The following GIMAP8 variants were observed in gnomAD, a reference collection of about 807,000 sequenced individuals.
GIMAP8 encodes GTPase, IMAP family member 8.
Under a neutral mutation model 35.6 loss-of-function variants are expected in GIMAP8, and 29 were observed. That is an observed-to-expected ratio of 0.81 (90% CI 0.61 to 1.11). The LOEUF (loss-of-function observed/expected upper bound fraction) is 1.11. Among genes scored for constraint, GIMAP8 ranks in the 50% most tolerant of loss-of-function variants. GIMAP8 has a pLI of 0.00. For synonymous variants in GIMAP8, 335 were observed against 308.7 expected, an observed-to-expected ratio of 1.09 and a Z score of -0.89; for missense variants, 811 against 805.0, an observed-to-expected ratio of 1.01 and a Z score of -0.09.
At chr7:150,473,965 T>A in intron 3 of GIMAP8, 47 bp from the exon 4 acceptor site, 1 of 1,557,930 alleles carries the variant, frequency 6.4e-7, no homozygotes, top group Non-Finnish European at 8.7e-7. Flanking sequence ...CCCACATCCA[T>A]ATTCAACTGC....
intron 2 of GIMAP8, 51 bp downstream of exon 2, chr7:150,467,385 G>A: frequency 4.9e-6 from 7 of 1,422,246 alleles, no homozygotes; most frequent in Non-Finnish European, 6.8e-6. Flanking sequence ...TGAACTAGTG[G>A]GATGAAAGTG....
chr7:150,461,437 C>T (rs1434645080), intron 1 of GIMAP8, among the ~76,000 whole-genome samples: 1 of 152,196 alleles, frequency 6.6e-6, no homozygotes, highest in Non-Finnish European at 1.5e-5. Context: ...TTATTATACT[C>T]TCTTGCTCAG....
At chr7:150,470,137 T>C (rs1441659495) in intron 2 of GIMAP8, among the ~76,000 whole-genome samples, 1 of 152,208 alleles carries the variant, frequency 6.6e-6, no homozygotes, top group Non-Finnish European at 1.5e-5. Context: ...TAATTTGAAC[T>C]GGGCTATGTA....
Position 150,478,279 on chromosome 7 carries a change from C to T in GIMAP8, c.*499C>T. On this transcript the variant is annotated 3_prime_UTR_variant, in exon 5 of 5. Transcript: ENST00000307271. ...TGTCCAGGGCCGTTGGCTCCCTGAG[C>T]TCTCCTGTCTCCTTTGGGATGCGAC... 6.2e-6 allele frequency: 1 copy of T among 160,120 alleles called. No individual in the cohort carries two copies. Among genetic ancestry groups the T allele is most frequent in the Non-Finnish European group, 1.4e-5 (1 of 72,310 alleles). The allele number at this position is 160,120 out of a possible 1,614,324, so 9.9% of individuals were successfully genotyped here.
In GIMAP8 at chr7:150,477,463, A is replaced by G; in HGVS notation, c.1681A>G (p.Ile561Val). 1.2e-6 allele frequency: 2 copies of G among 1,614,128 alleles called. No homozygotes were observed. The highest frequency in any genetic ancestry group is 1.1e-5 in the South Asian group (1 of 91,080). ...TGGAGCAGACTTTACGAAATACGCG[A>G]TTATGCTGTTCACCCGGAAGGAAGA... Reference protein sequence around the residue: ...IFGADFTKYAIMLFTRKEDLG... With the variant: ...IFGADFTKYAVMLFTRKEDLG... The change falls in exon 5 of 5, where the codon ATT becomes GTT. Residue 561 changes from isoleucine (I) to valine (V), a missense_variant. Coordinates refer to ENST00000307271, the MANE Select transcript of GIMAP8 (RefSeq NM_175571.4).
chr7:150,470,697 T>C, intron 2 of GIMAP8, 132 bp from the exon 3 acceptor site: 1 of 663,388 alleles, frequency 1.5e-6, no homozygotes, highest in Non-Finnish European at 2.6e-6. Context: ...GGGCCTTGAT[T>C]TGACCACATC....
At position 150,477,454 on chromosome 7, in the gene GIMAP8, AAAT is replaced by A. The variant is rs1268163717; in HGVS notation, c.1674_1676del (p.Lys558_Tyr559delinsAsn). The A allele has an allele frequency of 6.2e-7, 1 of 1,613,774 alleles. No homozygotes were observed. Among genetic ancestry groups the A allele is most frequent in the East Asian group, 2.2e-5 (1 of 44,864 alleles). ...GGCCATCTTTGGAGCAGACTTTACG[AAAT>A]ACGCGATTATGCTGTTCACCCGGAA... On this transcript the variant is annotated inframe_deletion, in exon 5 of 5. Transcript: ENST00000307271.
Position 150,477,814 on chromosome 7 carries a change from G to A in GIMAP8, c.*34G>A. The A allele has an allele frequency of 6.4e-7, 1 of 1,552,168 alleles. No individual in the cohort carries two copies. Among genetic ancestry groups the A allele is most frequent in the Non-Finnish European group, 8.8e-7 (1 of 1,136,246 alleles). ...AGTGCCTGGGGTCTCTTCAATTAGA[G>A]ACACCCTCAGGTTGGGGGGAGGGGC... On this transcript the variant is annotated 3_prime_UTR_variant, in exon 5 of 5. Transcript: ENST00000307271.
chr7:150,453,982 G>A (rs1801675579), intron 1 of GIMAP8, among the ~76,000 whole-genome samples: 1 of 152,118 alleles, frequency 6.6e-6, no homozygotes, highest in Non-Finnish European at 1.5e-5. Flanking sequence ...TTAATAGCGG[G>A]TGGAGGCTGG....
chr7:150,463,189 C>CTT (rs34665173), intron 1 of GIMAP8, among the ~76,000 whole-genome samples: 3 of 151,410 alleles, frequency 2.0e-5, no homozygotes, highest in Admixed American at 6.6e-5. Context: ...CATTTGGTTC[C>CTT]TTTTTTTTAT....
Position 150,474,242 on chromosome 7 carries a change from G to C in GIMAP8, c.913G>C (p.Asp305His). The change falls in exon 4 of 5, where the codon GAC (aspartate) becomes CAC (histidine). Residue 305 changes from aspartate (D) to histidine (H), a missense_variant. By Grantham distance (81) the Asp-to-His change is moderately conservative. Coordinates refer to ENST00000307271, the MANE Select transcript of GIMAP8 (RefSeq NM_175571.4). ...KKKVSIIDAP[D>H]ISSLKNIDSE... ...GAAAGTTTCGATCATTGATGCTCCG[G>C]ACATCTCATCTTTAAAGAACATTGA... The C allele has an allele frequency of 1.2e-6, 2 of 1,614,162 alleles. No individual in the cohort carries two copies. The highest frequency in any genetic ancestry group is 1.7e-6 in the Non-Finnish European group (2 of 1,180,024).
chr7:150,476,831 T>C (rs928729292), intron 4 of GIMAP8, among the ~76,000 whole-genome samples: 3 of 152,156 alleles, frequency 2.0e-5, no homozygotes, highest in African/African-American at 4.8e-5. Flanking sequence ...GATTCAGTGA[T>C]AGGAACAGTG....
intron 1 of GIMAP8, among the ~76,000 whole-genome samples, chr7:150,452,200 G>T (rs946524154): frequency 6.6e-6 from 1 of 152,202 alleles, no homozygotes; most frequent in Non-Finnish European, 1.5e-5. Context: ...CTGGCAGAGC[G>T]TGAGTGAGGG....
chr7:150,474,821 C>A (rs1181323191), intron 4 of GIMAP8, among the ~76,000 whole-genome samples, 183 bp downstream of exon 4: 3 of 151,490 alleles, frequency 2.0e-5, no homozygotes, highest in African/African-American at 4.9e-5. Flanking sequence ...TGCGCTGCAC[C>A]CACTAACTCG....
intron 1 of GIMAP8, among the ~76,000 whole-genome samples, chr7:150,461,914 G>A (rs973386034): frequency 3.9e-5 from 6 of 152,212 alleles, no homozygotes; most frequent in African/African-American, 1.2e-4. Context: ...GAGCAAGAAG[G>A]CTGTTTATTT....
intron 1 of GIMAP8, among the ~76,000 whole-genome samples, chr7:150,455,062 C>T (rs1039320293): frequency 2.0e-5 from 3 of 150,578 alleles, no homozygotes; most frequent in South Asian, 4.2e-4. Flanking sequence ...CGCTTGAACC[C>T]GGGAGATAGA....
At chr7:150,455,085 C>A (rs1158719191) in intron 1 of GIMAP8, among the ~76,000 whole-genome samples, 1 of 148,942 alleles carries the variant, frequency 6.7e-6, no homozygotes, top group East Asian at 2.0e-4. Flanking sequence ...TTGCAGTGGG[C>A]CAAGATCGTG....
intron 1 of GIMAP8, among the ~76,000 whole-genome samples, chr7:150,461,341 C>G (rs1398485507): frequency 6.6e-6 from 1 of 152,150 alleles, no homozygotes; most frequent in African/African-American, 2.4e-5. Flanking sequence ...AAGTCTCCAC[C>G]TATTATTGTA....
chr7:150,475,274 A>C (rs1248918659), intron 4 of GIMAP8, among the ~76,000 whole-genome samples: 1 of 152,238 alleles, frequency 6.6e-6, no homozygotes, highest in Non-Finnish European at 1.5e-5. Flanking sequence ...CTAAAATAAA[A>C]GTTGAAATGA....
Sources: gnomAD v4.1 joint callset for allele counts (sites outside exome capture counted in the v4.1 genomes callset) on GRCh38, gnomAD v4.1.1 for gene constraint, MANE v1.5 for transcripts, NCBI Gene and HGNC (gene_info 2026-07-23, HGNC 2026-07-21) for gene names.